IGSF11: variants seen among roughly 807,000 people sequenced by gnomAD.
IGSF11 encodes immunoglobulin superfamily member 11, also known as CXADR like 1.
Under a neutral mutation model 41.0 loss-of-function variants are expected in IGSF11, and 22 were observed. The observed-to-expected ratio is 0.54, with a 90% CI of 0.38 to 0.77. IGSF11 has a LOEUF of 0.77. IGSF11 is among the 30% of genes least tolerant of loss of function. The pLI is 0.00. For synonymous variants in IGSF11, 219 were observed against 201.3 expected (o/e 1.09, Z -0.74); for missense variants, 444 against 530.8 (o/e 0.84, Z 1.61).
chr3:118,999,727 TTAA>T (rs1489770755), intron 1 of IGSF11, among the ~76,000 whole-genome samples: 13 of 152,216 alleles, frequency 8.5e-5, no homozygotes, highest in African/African-American at 2.7e-4. Context: ...ATAACACTAC[TTAA>T]TAATACAATA....
At chr3:119,019,762 T>C (rs896689046) in intron 1 of IGSF11, among the ~76,000 whole-genome samples, 3 of 152,172 alleles carry the variant, frequency 2.0e-5, no homozygotes, top group Non-Finnish European at 2.9e-5. Context: ...GTTGCTGTTA[T>C]TGAACAGGAA....
intron 1 of IGSF11, among the ~76,000 whole-genome samples, chr3:119,116,665 G>A (rs1479892383): frequency 1.3e-5 from 2 of 152,184 alleles, no homozygotes; most frequent in East Asian, 3.8e-4. Context: ...AAGCCATCAG[G>A]CTAAAGGGAG....
At chr3:118,931,215 T>A (rs1319013944) in intron 1 of IGSF11, among the ~76,000 whole-genome samples, 1 of 152,138 alleles carries the variant, frequency 6.6e-6, no homozygotes, top group Non-Finnish European at 1.5e-5. Context: ...CAGAAAATGA[T>A]CACAGACCTA....
intron 1 of IGSF11, among the ~76,000 whole-genome samples, chr3:118,964,672 A>G (rs913211991): frequency 6.6e-6 from 1 of 152,154 alleles, no homozygotes; most frequent in African/African-American, 2.4e-5. Flanking sequence ...GATCACTTCT[A>G]AAGTACTTAA....
chr3:119,095,269 G>A (rs2076831993), intron 1 of IGSF11, among the ~76,000 whole-genome samples: 1 of 152,008 alleles, frequency 6.6e-6, no homozygotes, highest in African/African-American at 2.4e-5. Context: ...AAAAAATCTT[G>A]CACAAAGAGA....
At chr3:119,092,973 G>A (rs2076789351) in intron 1 of IGSF11, among the ~76,000 whole-genome samples, 1 of 152,136 alleles carries the variant, frequency 6.6e-6, no homozygotes, top group Non-Finnish European at 1.5e-5. Flanking sequence ...TAGGTGTATG[G>A]TAGACTATCC....
At chr3:119,080,494 T>C (rs1258031300) in intron 1 of IGSF11, among the ~76,000 whole-genome samples, 1 of 152,190 alleles carries the variant, frequency 6.6e-6, no homozygotes, top group Non-Finnish European at 1.5e-5. Flanking sequence ...TCTTATTTCT[T>C]AATAACAGTG....
chr3:119,097,103 TTAA>T (rs1443301322), intron 1 of IGSF11, among the ~76,000 whole-genome samples: 1 of 152,218 alleles, frequency 6.6e-6, no homozygotes, highest in African/African-American at 2.4e-5. Flanking sequence ...GTTAGTGAAC[TTAA>T]TTTCATCTAC....
At chr3:119,057,360 C>T (rs1176329733) in intron 1 of IGSF11, among the ~76,000 whole-genome samples, 1 of 152,078 alleles carries the variant, frequency 6.6e-6, no homozygotes, top group Admixed American at 6.6e-5. Context: ...CATGAGTGAA[C>T]TCCCATTCAC....
intron 1 of IGSF11, among the ~76,000 whole-genome samples, chr3:119,000,610 C>T (rs923349151): frequency 6.6e-5 from 10 of 151,716 alleles, no homozygotes; most frequent in African/African-American, 2.2e-4. Flanking sequence ...TGAATCAAAC[C>T]ACTTCTCTTT....
chr3:119,051,804 T>G (rs1387558499), intron 1 of IGSF11, among the ~76,000 whole-genome samples: 2 of 152,118 alleles, frequency 1.3e-5, no homozygotes, highest in African/African-American at 2.4e-5. Flanking sequence ...GGAATAAGAT[T>G]GAAAATTAAC....
intron 1 of IGSF11, among the ~76,000 whole-genome samples, chr3:119,142,310 T>C (rs529330137): frequency 1.1e-4 from 17 of 150,378 alleles, no homozygotes; most frequent in African/African-American, 3.2e-4. Flanking sequence ...TCTGCATGTA[T>C]TGGACATCCA....
chr3:119,094,664 C>G (rs892387170), intron 1 of IGSF11, among the ~76,000 whole-genome samples: 1 of 141,424 alleles, frequency 7.1e-6, no homozygotes, highest in Non-Finnish European at 1.5e-5. Flanking sequence ...TCCCAGAGAG[C>G]AACTCTATTT....
intron 1 of IGSF11, among the ~76,000 whole-genome samples, chr3:119,094,223 T>TTAAAAAAAAAAA (rs1491294473): frequency 2.9e-5 from 1 of 35,066 alleles, no homozygotes; most frequent in Non-Finnish European, 5.7e-5. Flanking sequence ...CATAGCGAAG[T>TTAAAAAAAAAAA]AAAAAAAAAA....
chr3:118,911,008 C>T (rs1015881271), intron 4 of IGSF11, among the ~76,000 whole-genome samples: 1 of 152,090 alleles, frequency 6.6e-6, no homozygotes, highest in African/African-American at 2.4e-5. Context: ...TATCTGTCTC[C>T]TCCATTAGGC....
At chr3:118,964,131 T>C (rs532183000) in intron 1 of IGSF11, among the ~76,000 whole-genome samples, 56 of 152,262 alleles carry the variant, frequency 3.7e-4, no homozygotes, top group African/African-American at 1.3e-3. Flanking sequence ...TCTTTCACAG[T>C]TATGTCCTTT....
At chr3:118,997,690 C>G (rs1027889812) in intron 1 of IGSF11, among the ~76,000 whole-genome samples, 1 of 152,080 alleles carries the variant, frequency 6.6e-6, no homozygotes, top group Non-Finnish European at 1.5e-5. Context: ...CAGGCAATTG[C>G]TCAGTCTGGG....
In IGSF11 at chr3:118,902,572, C is replaced by G; in HGVS notation, c.1244G>C (p.Gly415Ala). 6.2e-7 allele frequency: 1 copy of G among 1,613,838 alleles called. No homozygotes were observed. Residue 415 changes from glycine (G) to alanine (A), a missense_variant, in exon 7 of 7, where the codon GGT becomes GCT. Gly to Ala is a moderately conservative substitution (Grantham distance 60, BLOSUM62 0). This residue lies in a region of IGSF11 where 223 missense variants were observed against 226.2 expected (regional missense o/e 0.99). Coordinates refer to ENST00000393775, the MANE Select transcript of IGSF11 (RefSeq NM_001015887.3). ...GGCTGGTACCATGACAGGTACTGCA[C>G]CAATTCGTTCCAGTGTTGCGTGGCT... ...TISHATLERI[G>A]AVPVMVPAQS...
intron 6 of IGSF11, among the ~76,000 whole-genome samples, chr3:118,903,286 T>G (rs1370038505): frequency 6.6e-6 from 1 of 152,018 alleles, no homozygotes; most frequent in Non-Finnish European, 1.5e-5. Flanking sequence ...AATATGTTTA[T>G]ATATCATATA....
Sources: allele counts gnomAD v4.1 joint callset (sites outside exome capture counted in the v4.1 genomes callset), GRCh38; gene constraint gnomAD v4.1.1; regional missense constraint gnomAD v4.1.1; transcripts MANE v1.5; gene names NCBI Gene and HGNC (gene_info 2026-07-23, HGNC 2026-07-21).